PCDH15: variants seen among roughly 807,000 people sequenced by gnomAD.
PCDH15 encodes the protein protocadherin-15.
A neutral mutation model predicts 178.5 loss-of-function variants in PCDH15; 129 were observed. That is an observed-to-expected ratio of 0.72 (90% CI 0.63 to 0.84). The LOEUF (loss-of-function observed/expected upper bound fraction) is 0.84, where lower values mean the gene tolerates loss of function less well. Ranked by LOEUF, PCDH15 falls within the 40% of genes least tolerant of loss-of-function variation. PCDH15 has a pLI of 0.00. For synonymous variants in PCDH15, 800 were observed against 732.0 expected (o/e 1.09, Z -1.50); for missense variants, 2,230 against 2,099.9 (o/e 1.06, Z -1.21).
intron 2 of PCDH15, among the ~76,000 whole-genome samples, chr10:55,389,566 A>G (rs1837744755): frequency 1.3e-5 from 2 of 152,188 alleles, no homozygotes; most frequent in Admixed American, 1.3e-4. Flanking sequence ...CAGAAATTCT[A>G]CAAAATATTC....
intron 8 of PCDH15, among the ~76,000 whole-genome samples, chr10:54,308,428 C>G (rs80227754): frequency 1.9e-3 from 283 of 152,118 alleles, no homozygotes; most frequent in African/African-American, 6.6e-3. Flanking sequence ...CTCCTTTCGA[C>G]TGTTTCTTTT....
intron 10 of PCDH15, among the ~76,000 whole-genome samples, chr10:54,196,229 T>A (rs2384397): frequency 0.23 from 35,397 of 151,958 alleles, 6,119 homozygotes; most frequent in African/African-American, 0.49. Context: ...TGCCAGCTCT[T>A]CCTCCTGAGT....
chr10:54,032,753 A>G (rs2135435205), intron 18 of PCDH15, among the ~76,000 whole-genome samples: 1 of 152,148 alleles, frequency 6.6e-6, no homozygotes, highest in Non-Finnish European at 1.5e-5. Context: ...CAGTTTTCAC[A>G]ATGCTATAAA....
intron 2 of PCDH15, among the ~76,000 whole-genome samples, chr10:54,912,957 G>A (rs915036428): frequency 6.6e-6 from 1 of 152,106 alleles, no homozygotes; most frequent in Admixed American, 6.5e-5. Flanking sequence ...TGCTCAAGAT[G>A]TGACCTGGCT....
intron 1 of PCDH15, among the ~76,000 whole-genome samples, chr10:54,767,000 A>C (rs1252224933): frequency 6.6e-6 from 1 of 152,112 alleles, no homozygotes; most frequent in South Asian, 2.1e-4. Context: ...CCCACTGAAT[A>C]CACAATCATA....
intron 20 of PCDH15, among the ~76,000 whole-genome samples, chr10:54,004,864 A>G (rs367931687): frequency 8.9e-5 from 1 of 11,256 alleles, no homozygotes; most frequent in Non-Finnish European, 1.4e-4. Context: ...AAACAAAAGG[A>G]AAAAAAAAAA....
At chr10:54,739,423 A>G (rs1944500930) in intron 1 of PCDH15, among the ~76,000 whole-genome samples, 1 of 151,996 alleles carries the variant, frequency 6.6e-6, no homozygotes, top group South Asian at 2.1e-4. Flanking sequence ...TAAATTAAAA[A>G]GGAGACAAAA....
At chr10:54,187,131 T>C (rs951738279) in intron 11 of PCDH15, among the ~76,000 whole-genome samples, 2 of 151,950 alleles carry the variant, frequency 1.3e-5, no homozygotes, top group African/African-American at 4.8e-5. Context: ...TATTCGGACC[T>C]TTAAACCCTA....
chr10:53,926,588 T>C (rs1564788597), intron 25 of PCDH15, among the ~76,000 whole-genome samples: 1 of 152,342 alleles, frequency 6.6e-6, no homozygotes, highest in East Asian at 1.9e-4. Context: ...CACTGTCTTC[T>C]GAAGCCACTT....
chr10:54,477,727 C>T (rs1035934433), intron 3 of PCDH15, among the ~76,000 whole-genome samples: 2 of 152,140 alleles, frequency 1.3e-5, no homozygotes, highest in Admixed American at 6.6e-5. Context: ...TCCCCAGTAG[C>T]TGGGATTACA....
At chr10:55,031,988 A>G (rs1257507721) in intron 2 of PCDH15, among the ~76,000 whole-genome samples, 1 of 152,232 alleles carries the variant, frequency 6.6e-6, no homozygotes, top group Non-Finnish European at 1.5e-5. Context: ...GCTTTGGAAC[A>G]GGGTAATGTA....
chr10:53,885,684 C>T (rs1166914715), intron 26 of PCDH15, among the ~76,000 whole-genome samples: 2 of 152,030 alleles, frequency 1.3e-5, no homozygotes, highest in Non-Finnish European at 2.9e-5. Context: ...TATAAATATG[C>T]CTCACACATT....
chr10:55,418,918 G>GCTT (rs144817377), intron 2 of PCDH15, among the ~76,000 whole-genome samples: 6 of 151,666 alleles, frequency 4.0e-5, no homozygotes, highest in Non-Finnish European at 8.8e-5. Context: ...GGAGAATGCT[G>GCTT]TTTTCCTCAT....
intron 2 of PCDH15, among the ~76,000 whole-genome samples, chr10:54,598,004 C>G (rs998988994): frequency 6.6e-6 from 1 of 152,010 alleles, no homozygotes; most frequent in Non-Finnish European, 1.5e-5. Context: ...AGCCTGCAAA[C>G]CAAAAACAGC....
At chr10:55,160,103 G>A (rs1245333641) in intron 2 of PCDH15, among the ~76,000 whole-genome samples, 6 of 151,948 alleles carry the variant, frequency 3.9e-5, no homozygotes, top group African/African-American at 9.7e-5. Context: ...AGTGAGAAGC[G>A]GCCCTGTGAT....
chr10:55,355,853 T>C (rs190619814), intron 2 of PCDH15, among the ~76,000 whole-genome samples: 1 of 152,066 alleles, frequency 6.6e-6, no homozygotes, highest in East Asian at 1.9e-4. Context: ...AGAATATATA[T>C]TTTAAAAATA....
intron 2 of PCDH15, among the ~76,000 whole-genome samples, chr10:55,533,476 A>T (rs549403078): frequency 6.6e-6 from 1 of 150,426 alleles, no homozygotes; most frequent in East Asian, 1.9e-4. Flanking sequence ...TCTCATTTAC[A>T]ATAGCCGCAA....
chr10:55,235,906 C>CAAA (rs144784085), intron 1 of PCDH15, among the ~76,000 whole-genome samples: 19 of 115,636 alleles, frequency 1.6e-4, no homozygotes, highest in African/African-American at 3.6e-4. Context: ...GACTCCATGT[C>CAAA]AAAAAAAAAA....
chr10:54,537,438 C>A (rs2084703094), intron 2 of PCDH15, among the ~76,000 whole-genome samples: 1 of 152,100 alleles, frequency 6.6e-6, no homozygotes, highest in Non-Finnish European at 1.5e-5. Flanking sequence ...CCAGCATCAC[C>A]CTGATACCAA....
Sources: allele counts gnomAD v4.1 joint callset (sites outside exome capture counted in the v4.1 genomes callset), GRCh38; gene constraint gnomAD v4.1.1; transcripts MANE v1.5; gene names NCBI Gene and HGNC (gene_info 2026-07-23, HGNC 2026-07-21).